STEAP1B: variants seen among roughly 807,000 people sequenced by gnomAD.
The protein encoded by STEAP1B is STEAP family protein MGC87042.
STEAP1B carries 13 observed loss-of-function variants against 27.9 expected under a neutral mutation model. That is an observed-to-expected ratio of 0.47 (90% confidence interval 0.30 to 0.74). STEAP1B has a LOEUF of 0.74. STEAP1B is among the 30% of genes least tolerant of loss of function. The pLI is 0.06. For missense variants in STEAP1B, 250 were observed against 298.7 expected (o/e 0.84, Z 1.20); for synonymous variants, 86 against 107.1 (o/e 0.80, Z 1.22).
intron 4 of STEAP1B, among the ~76,000 whole-genome samples, chr7:22,478,075 G>T (rs1209909018): frequency 6.6e-6 from 1 of 152,182 alleles, no homozygotes; most frequent in Admixed American, 6.5e-5. Flanking sequence ...CCTGAGAGTG[G>T]GGTGGGCGCT....
intron 4 of STEAP1B, among the ~76,000 whole-genome samples, chr7:22,466,333 A>G (rs1341872217): frequency 6.6e-6 from 1 of 152,024 alleles, no homozygotes; most frequent in African/African-American, 2.4e-5. Flanking sequence ...GGTAATGAGC[A>G]TAGTACTTGA....
At chr7:22,444,270 T>C (rs1375066110) in intron 4 of STEAP1B, among the ~76,000 whole-genome samples, 1 of 152,172 alleles carries the variant, frequency 6.6e-6, no homozygotes, top group Non-Finnish European at 1.5e-5. Flanking sequence ...CTAAATGAGA[T>C]AACATATGGA....
At chr7:22,437,351 A>C (rs1471146925) in intron 4 of STEAP1B, among the ~76,000 whole-genome samples, 1 of 152,200 alleles carries the variant, frequency 6.6e-6, no homozygotes, top group Non-Finnish European at 1.5e-5. Flanking sequence ...GGTATCATGC[A>C]GTAGTTGTCT....
intron 4 of STEAP1B, among the ~76,000 whole-genome samples, chr7:22,464,131 T>C (rs2128408758): frequency 6.6e-6 from 1 of 152,384 alleles, no homozygotes; most frequent in Admixed American, 6.5e-5. Flanking sequence ...GACAGTGTTG[T>C]TCATTATTCA....
chr7:22,463,432 C>G (rs185988622), intron 4 of STEAP1B, among the ~76,000 whole-genome samples: 4 of 152,172 alleles, frequency 2.6e-5, no homozygotes, highest in African/African-American at 9.7e-5. Flanking sequence ...CAATGACTTG[C>G]TTCACAGAAT....
chr7:22,460,262 A>C (rs756835843), intron 4 of STEAP1B, among the ~76,000 whole-genome samples: 8 of 150,906 alleles, frequency 5.3e-5, no homozygotes, highest in Admixed American at 1.3e-4. Flanking sequence ...TGGGAGGTCA[A>C]GGCTGCAGTG....
intron 4 of STEAP1B, among the ~76,000 whole-genome samples, chr7:22,426,126 G>T (rs1785104523): frequency 6.6e-6 from 1 of 152,176 alleles, no homozygotes; most frequent in Non-Finnish European, 1.5e-5. Context: ...CTAGGGTCTG[G>T]TCTTAGCAAT....
intron 4 of STEAP1B, among the ~76,000 whole-genome samples, chr7:22,456,514 G>A (rs1785580234): frequency 6.6e-6 from 1 of 152,256 alleles, no homozygotes; most frequent in South Asian, 2.1e-4. Flanking sequence ...TATGTACTCA[G>A]TGAATGTTCC....
chr7:22,469,822 G>A (rs1365182797), intron 4 of STEAP1B, among the ~76,000 whole-genome samples: 1 of 152,146 alleles, frequency 6.6e-6, no homozygotes, highest in Non-Finnish European at 1.5e-5. Context: ...AGTGATGCAT[G>A]AGTGCATACT....
intron 4 of STEAP1B, among the ~76,000 whole-genome samples, chr7:22,469,756 T>A (rs1423046005): frequency 6.6e-6 from 1 of 152,154 alleles, no homozygotes; most frequent in Non-Finnish European, 1.5e-5. Context: ...TCTACAATGT[T>A]TACACAATGA....
At chr7:22,444,036 G>A (rs1785372659) in intron 4 of STEAP1B, among the ~76,000 whole-genome samples, 1 of 152,224 alleles carries the variant, frequency 6.6e-6, no homozygotes, top group Non-Finnish European at 1.5e-5. Context: ...ACCACAGCCT[G>A]ATGAGTTCTT....
At chr7:22,467,696 C>T (rs371625970) in intron 4 of STEAP1B, among the ~76,000 whole-genome samples, 67 of 152,266 alleles carry the variant, frequency 4.4e-4, no homozygotes, top group East Asian at 1.3e-3. Flanking sequence ...CCATGTGAGA[C>T]GTGCCTTTTA....
rs765473045 is a variant in STEAP1B, at chr7:22,492,703, C to A, written c.624G>T (p.Trp208Cys). The A allele has an allele frequency of 1.0e-5, 16 of 1,601,484 alleles. No individual in the cohort carries two copies. The highest frequency in any genetic ancestry group is 1.3e-5 in the Non-Finnish European group (15 of 1,176,742). ...CCATTCTCCAAACATCATGCTCAAT[C>A]CAGGCATCTTCTTTATTTTGTTGGA... is the stretch of plus-strand genomic sequence containing the variant. ...QQVQQNKEDA[W>C]IEHDVWRMEI... Residue 208 changes from tryptophan (W) to cysteine (C), a missense_variant, in exon 4 of 5, where the codon TGG (tryptophan) becomes TGT (cysteine). Transcript: ENST00000678116.
intron 4 of STEAP1B, among the ~76,000 whole-genome samples, chr7:22,483,678 CG>C (rs1313364562): frequency 3.9e-5 from 6 of 152,040 alleles, no homozygotes; most frequent in Non-Finnish European, 8.8e-5. Flanking sequence ...ATGTTACTAC[CG>C]TAATTGTTTT....
chr7:22,492,298 A>G lies in STEAP1B; in HGVS notation c.762+267T>C, dbSNP rs188318738. 4.3e-3 allele frequency: 763 copies of G among 178,998 alleles called. 12 individuals are homozygous for G. Among genetic ancestry groups the G allele is most frequent in the African/African-American group, 0.02 (736 of 37,062 alleles). The allele number at this position is 178,998 out of a possible 1,614,324, so 11.1% of individuals were successfully genotyped here. A position where few individuals can be genotyped will look rare whatever the true frequency, so the allele number is the denominator to read the frequency against. ...CGTGCCACCATACTCCAGCATGGGC[A>G]ACAGAGCGAGACTTCATCTCCAAAA... On this transcript the variant is annotated intron_variant, in intron 4 of 4. Coordinates refer to ENST00000678116, the MANE Select transcript of STEAP1B (RefSeq NM_001382447.1).
chr7:22,469,657 T>C (rs1395869988), intron 4 of STEAP1B, among the ~76,000 whole-genome samples: 1 of 152,202 alleles, frequency 6.6e-6, no homozygotes, highest in African/African-American at 2.4e-5. Context: ...TAGAGTAGCA[T>C]GCTCAACAGA....
chr7:22,434,533 A>C (rs1052449901), intron 4 of STEAP1B, among the ~76,000 whole-genome samples: 2 of 152,108 alleles, frequency 1.3e-5, no homozygotes, highest in Non-Finnish European at 2.9e-5. Flanking sequence ...GGTAAAAAAA[A>C]ATTGGTACAT....
intron 4 of STEAP1B, among the ~76,000 whole-genome samples, chr7:22,447,879 CACAA>C (rs913881728): frequency 6.6e-5 from 10 of 152,230 alleles, no homozygotes; most frequent in African/African-American, 2.2e-4. Flanking sequence ...ATCTAAGGCT[CACAA>C]ACAGTTATCA....
chr7:22,484,683 A>G (rs1036999787), intron 4 of STEAP1B, among the ~76,000 whole-genome samples: 1 of 152,220 alleles, frequency 6.6e-6, no homozygotes, highest in Non-Finnish European at 1.5e-5. Flanking sequence ...AAGGCCAGAG[A>G]TGCCATAGGT....
Sources: allele counts gnomAD v4.1 joint callset (sites outside exome capture counted in the v4.1 genomes callset), GRCh38; gene constraint gnomAD v4.1.1; transcripts MANE v1.5; gene names NCBI Gene and HGNC (gene_info 2026-07-23, HGNC 2026-07-21).